KIFAP3: variants seen among roughly 807,000 people sequenced by gnomAD.
The protein encoded by KIFAP3 is kinesin-associated protein 3.
In KIFAP3, 68 loss-of-function variants were observed where a neutral mutation model predicts 106.5. The observed-to-expected ratio is 0.64, with a 90% CI of 0.53 to 0.78. The LOEUF (loss-of-function observed/expected upper bound fraction) is 0.78. KIFAP3 is among the 30% of genes least tolerant of loss of function. The probability of loss-of-function intolerance (pLI) is 0.00; values close to 1 mark genes in which losing one functional copy is unlikely to be tolerated. For missense variants in KIFAP3, 780 were observed against 941.8 expected, an observed-to-expected ratio of 0.83 and a Z score of 2.25; for synonymous variants, 320 against 311.5, an observed-to-expected ratio of 1.03 and a Z score of -0.29.
At chr1:170,058,125 G>C (rs565368227) in intron 1 of KIFAP3, among the ~76,000 whole-genome samples, 1 of 152,134 alleles carries the variant, frequency 6.6e-6, no homozygotes, top group African/African-American at 2.4e-5. Context: ...CATGTGGTTA[G>C]AGATATTATT....
At chr1:169,924,257 C>T (rs1662998980) in intron 19 of KIFAP3, among the ~76,000 whole-genome samples, 1 of 152,134 alleles carries the variant, frequency 6.6e-6, no homozygotes, top group African/African-American at 2.4e-5. Context: ...TGGTCTTGAA[C>T]AGTATGGTCT....
chr1:170,074,388 T>C, intron 1 of KIFAP3, 48 bp downstream of exon 1: 1 of 1,606,616 alleles, frequency 6.2e-7, no homozygotes. Context: ...AAGAACATCT[T>C]CAGGGCCCTG....
intron 1 of KIFAP3, among the ~76,000 whole-genome samples, chr1:170,080,248 G>T (rs1343392023): frequency 1.3e-5 from 2 of 151,958 alleles, no homozygotes; most frequent in Non-Finnish European, 2.9e-5. Context: ...CCATGAAACA[G>T]CACTAAGAGA....
intron 8 of KIFAP3, among the ~76,000 whole-genome samples, chr1:170,028,668 A>G (rs184860751): frequency 9.2e-5 from 14 of 152,298 alleles, no homozygotes; most frequent in African/African-American, 2.9e-4. Flanking sequence ...ATGTATAAGT[A>G]TAATAAATGT....
chr1:170,024,325 C>T (rs12132173), intron 9 of KIFAP3, 93 bp downstream of exon 9: 54,231 of 703,110 alleles, frequency 0.077, 2,450 homozygotes, highest in Middle Eastern at 0.099. Context: ...AGAATTATCT[C>T]GGTAGGGGAA....
intron 9 of KIFAP3, 23 bp from the exon 10 acceptor site, chr1:170,016,647 T>C (rs1017326600): frequency 1.4e-6 from 2 of 1,468,398 alleles, no homozygotes; most frequent in Non-Finnish European, 9.2e-7. Context: ...ATAATACAAA[T>C]ACAGTGAAGT....
Position 169,921,535 on chromosome 1 carries a change from T to C in KIFAP3, c.*141A>G. 1.8e-5 allele frequency: 11 copies of C among 619,256 alleles called. No homozygotes were observed. In the South Asian group the frequency reaches 2.2e-4, roughly 12 times the overall value. The allele number at this position is 619,256 out of a possible 1,614,324, so 38.4% of individuals were successfully genotyped here. A position where few individuals can be genotyped will look rare whatever the true frequency, so the allele number is the denominator to read the frequency against. On this transcript the variant is annotated 3_prime_UTR_variant, in exon 20 of 20. Coordinates refer to ENST00000361580, the MANE Select transcript of KIFAP3 (RefSeq NM_014970.4). ...GAAGACAGAGGGGCTGGGGTTAATC[T>C]GCAGCTAACAACATATAAAAATAAA...
intron 9 of KIFAP3, among the ~76,000 whole-genome samples, chr1:170,023,842 T>C (rs1668977741): frequency 6.6e-6 from 1 of 152,054 alleles, no homozygotes; most frequent in African/African-American, 2.4e-5. Flanking sequence ...AAGCCTAGTA[T>C]AATAATTCAA....
intron 18 of KIFAP3, among the ~76,000 whole-genome samples, chr1:169,955,359 G>A (rs536459010): frequency 2.0e-5 from 3 of 152,162 alleles, no homozygotes; most frequent in Non-Finnish European, 2.9e-5. Context: ...CACTTAAGAT[G>A]CAATTAAAAA....
chr1:169,943,242 T>A (rs1664239705), intron 19 of KIFAP3, among the ~76,000 whole-genome samples: 1 of 152,120 alleles, frequency 6.6e-6, no homozygotes. Flanking sequence ...AATATTACAT[T>A]TAAAATTACA....
At chr1:169,963,511 T>C (rs975942248) in intron 17 of KIFAP3, among the ~76,000 whole-genome samples, 7 of 152,148 alleles carry the variant, frequency 4.6e-5, no homozygotes, top group African/African-American at 1.4e-4. Context: ...TTTGTTGTTG[T>C]TGAGATGGAG....
intron 18 of KIFAP3, among the ~76,000 whole-genome samples, chr1:169,958,430 G>A (rs1466324022): frequency 1.3e-5 from 2 of 151,898 alleles, no homozygotes; most frequent in Non-Finnish European, 2.9e-5. Context: ...ATATAATATT[G>A]GGCTTTTTGG....
At chr1:169,984,839 G>A (rs1666734243) in intron 11 of KIFAP3, 149 bp from the exon 12 acceptor site, 3 of 528,826 alleles carry the variant, frequency 5.7e-6, no homozygotes, top group South Asian at 3.0e-5. Flanking sequence ...ACTGGCAGGC[G>A]TTCACTGTTC....
chr1:170,071,374 GTA>G (rs1196054534), intron 1 of KIFAP3, among the ~76,000 whole-genome samples: 2 of 152,130 alleles, frequency 1.3e-5, no homozygotes, highest in East Asian at 3.8e-4. Flanking sequence ...ACAAAATGTG[GTA>G]TATCCATAAA....
At chr1:169,980,339 G>C (rs530505151) in intron 15 of KIFAP3, among the ~76,000 whole-genome samples, 154 of 152,110 alleles carry the variant, frequency 1.0e-3, no homozygotes, top group African/African-American at 3.5e-3. Flanking sequence ...TCTTCTTCAG[G>C]GATCTCATAT....
chr1:170,019,229 T>A (rs1668680375), intron 9 of KIFAP3, among the ~76,000 whole-genome samples: 1 of 152,124 alleles, frequency 6.6e-6, no homozygotes, highest in Admixed American at 6.5e-5. Context: ...CATGACTTTT[T>A]ACTGGTGAAT....
At chr1:170,067,702 T>C (rs971034941) in intron 1 of KIFAP3, 10 of 152,228 alleles carry the variant, frequency 6.6e-5, no homozygotes, top group African/African-American at 2.4e-4. Flanking sequence ...AATTTTAAAC[T>C]CTTATCAGGA....
intron 17 of KIFAP3, among the ~76,000 whole-genome samples, chr1:169,964,381 G>A (rs1390694624): frequency 1.3e-5 from 2 of 152,148 alleles, no homozygotes; most frequent in African/African-American, 4.8e-5. Flanking sequence ...CCTCGGGCCA[G>A]CAATGTGGAA....
chr1:169,966,834 G>A (rs899252250), intron 17 of KIFAP3, among the ~76,000 whole-genome samples: 12 of 151,770 alleles, frequency 7.9e-5, no homozygotes, highest in Middle Eastern at 6.8e-3. Flanking sequence ...GTTGCCTCAG[G>A]TTTTCAACTG....
Sources: allele counts gnomAD v4.1 joint callset (sites outside exome capture counted in the v4.1 genomes callset), GRCh38; gene constraint gnomAD v4.1.1; transcripts MANE v1.5; gene names NCBI Gene and HGNC (gene_info 2026-07-23, HGNC 2026-07-21).